The following PIP4K2A variants were observed in gnomAD, a reference collection of about 807,000 sequenced individuals.
PIP4K2A encodes phosphatidylinositol 5-phosphate 4-kinase type-2 alpha.
In PIP4K2A, 14 loss-of-function variants were observed where a neutral mutation model predicts 42.9. The observed-to-expected ratio is 0.33, with a 90% confidence interval of 0.22 to 0.51. The LOEUF (loss-of-function observed/expected upper bound fraction) is 0.51, where lower values mean the gene tolerates loss of function less well. PIP4K2A is among the 20% of genes least tolerant of loss of function. The probability of loss-of-function intolerance (pLI) is 0.97; values close to 1 mark genes in which losing one functional copy is unlikely to be tolerated. For missense variants in PIP4K2A, 434 were observed against 519.8 expected (o/e 0.83, Z 1.61); for synonymous variants, 192 against 192.2 (o/e 1.00, Z 0.01).
intron 1 of PIP4K2A, among the ~76,000 whole-genome samples, chr10:22,713,744 G>A (rs1004740639): frequency 6.6e-6 from 1 of 152,016 alleles, no homozygotes; most frequent in Non-Finnish European, 1.5e-5. Context: ...GCCCGCAAGC[G>A]GAAGACGCGG....
intron 4 of PIP4K2A, among the ~76,000 whole-genome samples, chr10:22,586,714 A>G (rs1837404020): frequency 6.6e-6 from 1 of 152,070 alleles, no homozygotes; most frequent in Non-Finnish European, 1.5e-5. Context: ...TATTTTTAGT[A>G]GAGATGAGGT....
intron 4 of PIP4K2A, among the ~76,000 whole-genome samples, chr10:22,580,123 C>G (rs566719165): frequency 1.3e-5 from 2 of 151,672 alleles, no homozygotes; most frequent in Non-Finnish European, 2.9e-5. Flanking sequence ...CTCAGAGACA[C>G]GGGTTGTATC....
Position 22,591,760 on chromosome 10 carries a change from G to C in PIP4K2A, c.361C>G (p.Pro121Ala). 1.9e-6 allele frequency: 3 copies of C among 1,612,300 alleles called. No individual in the cohort carries two copies. Among genetic ancestry groups the C allele is most frequent in the Non-Finnish European group, 2.5e-6 (3 of 1,179,038 alleles). ...CGGGCCTGGGAGTCGTTGGGGAGGGGTGCGCTCCTGGTCAGGGAATTCTTC... is the reference window on the plus strand; with the variant it reads ...CGGGCCTGGGAGTCGTTGGGGAGGGCTGCGCTCCTGGTCAGGGAATTCTTC... ...DFQNSLTRSAPLPNDSQARSG... is the reference protein window; with the variant it reads ...DFQNSLTRSAALPNDSQARSG... Residue 121 changes from proline (P) to alanine (A), a missense_variant, in exon 4 of 10, where the codon CCC (proline) becomes GCC (alanine). This residue lies in a region of PIP4K2A where 395 missense variants were observed against 444.5 expected (regional missense o/e 0.89). Transcript: ENST00000376573.
At chr10:22,684,122 T>C (rs1017531459) in intron 1 of PIP4K2A, among the ~76,000 whole-genome samples, 20 of 152,180 alleles carry the variant, frequency 1.3e-4, no homozygotes, top group Non-Finnish European at 1.2e-4. Context: ...CAATTTAGTA[T>C]GCCAACTTCC....
At chr10:22,647,322 G>GAA (rs1838905267) in intron 1 of PIP4K2A, among the ~76,000 whole-genome samples, 1 of 86,572 alleles carries the variant, frequency 1.2e-5, no homozygotes, top group Admixed American at 9.7e-5. Context: ...GTGTGTGTGT[G>GAA]TATGTGTGTG....
intron 1 of PIP4K2A, among the ~76,000 whole-genome samples, chr10:22,615,413 G>T (rs910481299): frequency 2.0e-5 from 3 of 152,062 alleles, no homozygotes; most frequent in East Asian, 3.8e-4. Context: ...TTTATACAAA[G>T]AATTGACACT....
intron 4 of PIP4K2A, among the ~76,000 whole-genome samples, chr10:22,581,190 C>T (rs991108127): frequency 2.0e-5 from 3 of 152,150 alleles, no homozygotes; most frequent in African/African-American, 7.2e-5. Context: ...GCACAATGCT[C>T]ACCTGTCATT....
At chr10:22,554,132 CCCTA>C (rs1443685654) in intron 6 of PIP4K2A, among the ~76,000 whole-genome samples, 1 of 151,904 alleles carries the variant, frequency 6.6e-6, no homozygotes, top group Non-Finnish European at 1.5e-5. Flanking sequence ...CATAGTAAGA[CCCTA>C]CCTCAAAAAC....
At chr10:22,582,894 A>AGT (rs1837310748) in intron 4 of PIP4K2A, among the ~76,000 whole-genome samples, 1 of 103,900 alleles carries the variant, frequency 9.6e-6, no homozygotes, top group Admixed American at 9.3e-5. Flanking sequence ...CTTGAAGTAA[A>AGT]AAAAAAAAAA....
intron 1 of PIP4K2A, among the ~76,000 whole-genome samples, chr10:22,635,836 C>G (rs369480546): frequency 2.0e-5 from 3 of 152,244 alleles, no homozygotes; most frequent in East Asian, 3.9e-4. Flanking sequence ...AGGTTTCACG[C>G]CCTTGAGAGT....
intron 1 of PIP4K2A, among the ~76,000 whole-genome samples, chr10:22,689,057 G>A (rs1429574362): frequency 6.6e-6 from 1 of 152,078 alleles, no homozygotes; most frequent in African/African-American, 2.4e-5. Flanking sequence ...TTCTTCCTTA[G>A]CAGATTTTTC....
At chr10:22,700,839 A>G (rs532804807) in intron 1 of PIP4K2A, among the ~76,000 whole-genome samples, 3 of 152,340 alleles carry the variant, frequency 2.0e-5, no homozygotes, top group East Asian at 1.9e-4. Context: ...CAACTTGCAA[A>G]TATGTTTCTA....
chr10:22,623,954 A>C (rs1838385489), intron 1 of PIP4K2A, among the ~76,000 whole-genome samples: 1 of 152,248 alleles, frequency 6.6e-6, no homozygotes, highest in Non-Finnish European at 1.5e-5. Context: ...ATGACTGGGA[A>C]GACTTTATTT....
At chr10:22,636,493 C>T (rs979524401) in intron 1 of PIP4K2A, among the ~76,000 whole-genome samples, 1 of 152,154 alleles carries the variant, frequency 6.6e-6, no homozygotes, top group African/African-American at 2.4e-5. Context: ...GAACTTCTGG[C>T]CTCAAGCGAT....
At chr10:22,584,960 C>T (rs759199592) in intron 4 of PIP4K2A, among the ~76,000 whole-genome samples, 10 of 152,116 alleles carry the variant, frequency 6.6e-5, no homozygotes, top group Non-Finnish European at 1.2e-4. Context: ...TGTCACTCAC[C>T]GGGGGCACAT....
At chr10:22,639,314 A>C (rs913070811) in intron 1 of PIP4K2A, among the ~76,000 whole-genome samples, 10 of 151,994 alleles carry the variant, frequency 6.6e-5, no homozygotes, top group African/African-American at 2.4e-4. Context: ...AGCTGAGCTT[A>C]CCAGAAACAC....
intron 5 of PIP4K2A, among the ~76,000 whole-genome samples, chr10:22,569,810 T>A (rs1458729179): frequency 1.3e-5 from 2 of 151,976 alleles, no homozygotes; most frequent in East Asian, 1.9e-4. Context: ...AAGTTTAAAT[T>A]AATTCACAAT....
intron 9 of PIP4K2A, among the ~76,000 whole-genome samples, chr10:22,538,832 A>C (rs184372811): frequency 1.3e-5 from 2 of 152,376 alleles, no homozygotes; most frequent in East Asian, 3.9e-4. Context: ...TGCTCTGCAC[A>C]CAGCAGGAAT....
intron 1 of PIP4K2A, among the ~76,000 whole-genome samples, chr10:22,638,301 G>GC (rs1838709520): frequency 6.6e-6 from 1 of 152,082 alleles, no homozygotes; most frequent in South Asian, 2.1e-4. Context: ...ACTCTTCTCT[G>GC]CCACACTCTC....
Sources: gnomAD v4.1 joint callset for allele counts (sites outside exome capture counted in the v4.1 genomes callset) on GRCh38, gnomAD v4.1.1 for gene constraint, gnomAD v4.1.1 regional missense constraint, MANE v1.5 for transcripts, NCBI Gene and HGNC (gene_info 2026-07-23, HGNC 2026-07-21) for gene names.